The following CPM variants were observed in gnomAD, a reference collection of about 807,000 sequenced individuals.
CPM encodes the protein renal carboxypeptidase.
In CPM, 35 loss-of-function variants were observed where a neutral mutation model predicts 46.4. The observed-to-expected ratio is 0.75, with a 90% CI of 0.58 to 1.00. The LOEUF (loss-of-function observed/expected upper bound fraction) is 1.00, where lower values mean the gene tolerates loss of function less well. Ranked by LOEUF, CPM falls within the 50% of genes least tolerant of loss-of-function variation. The pLI is 0.00. For synonymous variants in CPM, 195 were observed against 195.3 expected (o/e 1.00, Z 0.01); for missense variants, 422 against 530.4 (o/e 0.80, Z 2.01).
At chr12:68,879,435 C>T (rs1448484888) in intron 3 of CPM, among the ~76,000 whole-genome samples, 1 of 152,120 alleles carries the variant, frequency 6.6e-6, no homozygotes, top group African/African-American at 2.4e-5. Flanking sequence ...GTGATCATGG[C>T]TCACTGCAGC....
In CPM at chr12:68,856,566, A is replaced by C. The variant is rs202163169; in HGVS notation, c.1203T>G (p.Asp401Glu). Residue 401 changes from aspartate (D) to glutamate (E), a missense_variant, in exon 9 of 9, where the codon GAT becomes GAG. Coordinates refer to ENST00000551568, the MANE Select transcript of CPM (RefSeq NM_198320.5). ...ATGAAGGATTTGATACTGGGATAGA[A>C]TCCAATTGCCCTTGGAATGGAAGTA... ...DILLPFQGQL[D>E]SIPVSNPSCP... 8 of 1,614,266 alleles carry C rather than the reference A, an allele frequency of 5.0e-6. No individual in the cohort carries two copies. The East Asian group carries it at 1.8e-4, about 36-fold the overall frequency.
chr12:68,885,960 C>A, intron 2 of CPM, 71 bp from the exon 3 acceptor site: 1 of 1,288,912 alleles, frequency 7.8e-7, no homozygotes, highest in Non-Finnish European at 1.1e-6. Flanking sequence ...TCTGGTAAGA[C>A]TAGGAAACAG....
upstream of CPM, among the ~76,000 whole-genome samples, chr12:68,934,982 G>A (rs148049552): frequency 8.7e-4 from 132 of 151,902 alleles, 1 homozygote; most frequent in Middle Eastern, 3.4e-3. Flanking sequence ...GCATGATCTC[G>A]GCTCACTGCA....
At chr12:68,919,492 C>A (rs1000858956) in intron 2 of CPM, among the ~76,000 whole-genome samples, 2 of 152,270 alleles carry the variant, frequency 1.3e-5, no homozygotes, top group Admixed American at 6.5e-5. Context: ...TACTTCCAAG[C>A]AAGAATTATT....
chr12:68,946,994 T>C (rs1555202389), intron 1 of CPM, among the ~76,000 whole-genome samples: 1 of 152,236 alleles, frequency 6.6e-6, no homozygotes, highest in Non-Finnish European at 1.5e-5. Context: ...GTTTGCTCAG[T>C]CCATGCAAAT....
chr12:68,874,591 A>G (rs535414744), intron 3 of CPM, among the ~76,000 whole-genome samples: 2 of 152,222 alleles, frequency 1.3e-5, no homozygotes, highest in East Asian at 3.9e-4. Flanking sequence ...CTTGGGTGAC[A>G]GAGTGAGACA....
intron 2 of CPM, among the ~76,000 whole-genome samples, chr12:68,929,666 G>A (rs1888423158): frequency 6.6e-6 from 1 of 152,046 alleles, no homozygotes; most frequent in African/African-American, 2.4e-5. Context: ...AATAATAGAA[G>A]GTAATTATCA....
chr12:68,908,569 A>G (rs1277416572), intron 2 of CPM, among the ~76,000 whole-genome samples: 2 of 152,158 alleles, frequency 1.3e-5, no homozygotes, highest in East Asian at 1.9e-4. Context: ...TGAGTGCTCA[A>G]AAATATATAT....
intron 7 of CPM, among the ~76,000 whole-genome samples, chr12:68,866,340 T>C (rs1885443090): frequency 6.6e-6 from 1 of 152,076 alleles, no homozygotes; most frequent in Non-Finnish European, 1.5e-5. Context: ...GTTTGTTTGT[T>C]TGTTTGTTTT....
rs1425058557 is a variant in CPM, at chr12:68,932,858, TAAG to T, written c.-3-21_-3-19del. On this transcript the variant is annotated intron_variant, in intron 1 of 8. Coordinates refer to ENST00000551568, the MANE Select transcript of CPM (RefSeq NM_198320.5). ...TCCATGTTCTAGAGATGAATAAAAA[TAAG>T]AAGAACCTGAGAACACATGAGGGCA... is the stretch of plus-strand genomic sequence containing the variant. 3.7e-6 allele frequency: 6 copies of T among 1,611,454 alleles called. No homozygotes were observed. Among genetic ancestry groups the T allele is most frequent in the Non-Finnish European group, 4.2e-6 (5 of 1,179,186 alleles).
chr12:68,849,803 G>C (rs1242075335), downstream of CPM: 8 of 150,932 alleles, frequency 5.3e-5, no homozygotes, highest in Non-Finnish European at 1.2e-4. Context: ...AGTAGAGATG[G>C]GGTTTTGCTA....
intron 1 of CPM, among the ~76,000 whole-genome samples, chr12:68,949,080 G>A (rs1009118394): frequency 5.3e-5 from 8 of 152,132 alleles, no homozygotes; most frequent in Non-Finnish European, 8.8e-5. Context: ...AACTATTTTT[G>A]TTGTTAGAAG....
Position 68,856,473 on chromosome 12 carries a change from TAAG to T in CPM, c.1293_1295del (p.Phe431del). 6.2e-7 allele frequency: 1 copy of T among 1,614,066 alleles called. No homozygotes were observed. The highest frequency in any genetic ancestry group is 8.5e-7 in the Non-Finnish European group (1 of 1,179,972). On this transcript the variant is annotated inframe_deletion, in exon 9 of 9. Transcript: ENST00000551568. ...ATATGTGCAAAAGACTCACTAAAAA[TAAG>T]AACAAACTAGGCTTTGTTGCAGCTG...
chr12:68,953,177 AG>A (rs1888962577), intron 1 of CPM, among the ~76,000 whole-genome samples: 1 of 152,214 alleles, frequency 6.6e-6, no homozygotes, highest in African/African-American at 2.4e-5. Flanking sequence ...GATATTAGAA[AG>A]GAGCTCAAGG....
chr12:68,915,368 T>C (rs1400725955), intron 2 of CPM, among the ~76,000 whole-genome samples: 1 of 152,208 alleles, frequency 6.6e-6, no homozygotes, highest in African/African-American at 2.4e-5. Context: ...CTCATCTCCT[T>C]GGCATACAAG....
intron 2 of CPM, among the ~76,000 whole-genome samples, chr12:68,903,349 A>G (rs1459989193): frequency 6.6e-6 from 1 of 152,202 alleles, no homozygotes; most frequent in South Asian, 2.1e-4. Context: ...CTTATGTTCA[A>G]TATATCCAAA....
rs192504464 is a variant in CPM at position 68,892,911 on chromosome 12, A to C, written c.161-7022T>G. On this transcript the variant is annotated intron_variant, in intron 2 of 8. Coordinates refer to ENST00000551568, the MANE Select transcript of CPM (RefSeq NM_198320.5). Reference sequence around the variant, plus strand: ...CGTTCTCACTCATAAGTGGGAGTTCAACAATGAGAACACATGGACACAGGG... The same window carrying C: ...CGTTCTCACTCATAAGTGGGAGTTCCACAATGAGAACACATGGACACAGGG... Among the ~76,000 whole-genome samples the C allele has an allele frequency of 5.9e-5, 9 of 152,200 alleles. No homozygotes were observed. The East Asian group carries it at 1.5e-3, about 26-fold the overall frequency.
At position 68,852,952 on chromosome 12, in the gene CPM, T is replaced by C. The variant is rs1238857224; in HGVS notation, c.*3485A>G. ...GTTTCTCTATAAAAGGAATTATAGC[T>C]GAACTAGAGCTGGAGGAGCATAACC... is the stretch of plus-strand genomic sequence containing the variant. On this transcript the variant is annotated 3_prime_UTR_variant, in exon 9 of 9. Coordinates refer to ENST00000551568, the MANE Select transcript of CPM (RefSeq NM_198320.5). The C allele has an allele frequency of 6.6e-6, 1 of 152,194 alleles. No homozygotes were observed. Among genetic ancestry groups the C allele is most frequent in the African/African-American group, 2.4e-5 (1 of 41,428 alleles). 9.4% of individuals were successfully genotyped at this position (152,194 alleles called of 1,614,324 possible).
downstream of CPM, chr12:68,848,070 A>T (rs1884452705): frequency 6.6e-6 from 1 of 152,212 alleles, no homozygotes; most frequent in Admixed American, 6.5e-5. Context: ...CCAATGTTAC[A>T]ATGAGCTATG....
Sources: allele counts gnomAD v4.1 joint callset (sites outside exome capture counted in the v4.1 genomes callset), GRCh38; gene constraint gnomAD v4.1.1; transcripts MANE v1.5; gene names NCBI Gene and HGNC (gene_info 2026-07-23, HGNC 2026-07-21).